IL1RAPL1: variants seen among roughly 807,000 people sequenced by gnomAD.
IL1RAPL1 encodes the protein interleukin-1 receptor accessory protein-like 1.
A neutral mutation model predicts 48.4 loss-of-function variants in IL1RAPL1; 3 were observed. That is an observed-to-expected ratio of 0.06 (90% CI 0.03 to 0.16). IL1RAPL1 has a LOEUF of 0.16. Ranked by LOEUF, IL1RAPL1 falls within the 10% of genes least tolerant of loss-of-function variation. IL1RAPL1 has a pLI of 1.00. For missense variants in IL1RAPL1, 349 were observed against 530.6 expected (o/e 0.66, Z 3.36); for synonymous variants, 185 against 187.7 (o/e 0.99, Z 0.12).
intron 6 of IL1RAPL1, among the ~76,000 whole-genome samples, chrX:29,805,637 A>G (rs1930238927): frequency 8.9e-6 from 1 of 111,748 alleles, no homozygotes; most frequent in Admixed American, 9.6e-5. Context: ...GAGTAGCAAC[A>G]TATTCCTTAA....
chrX:29,418,123 ATAT>A (rs1267084729), intron 5 of IL1RAPL1, among the ~76,000 whole-genome samples: 6 of 29,477 alleles, frequency 2.0e-4, no homozygotes, highest in East Asian at 1.5e-3. Flanking sequence ...ATATATATAT[ATAT>A]TTTTTTTTTT....
At chrX:29,737,451 T>C (rs1928078349) in intron 6 of IL1RAPL1, among the ~76,000 whole-genome samples, 1 of 111,944 alleles carries the variant, frequency 8.9e-6, no homozygotes, top group Non-Finnish European at 1.9e-5. Flanking sequence ...AGTTGCAAAT[T>C]TGTCCAAATC....
At chrX:29,222,372 G>A (rs1930999533) in intron 2 of IL1RAPL1, among the ~76,000 whole-genome samples, 1 of 111,422 alleles carries the variant, frequency 9.0e-6, no homozygotes, top group Non-Finnish European at 1.9e-5. Context: ...ATTCTTGTTA[G>A]GATTAAAAAC....
chrX:28,614,135 G>C (rs1308963273), intron 1 of IL1RAPL1, among the ~76,000 whole-genome samples: 1 of 111,937 alleles, frequency 8.9e-6, no homozygotes, highest in Non-Finnish European at 1.9e-5. Flanking sequence ...GGAAAGAATA[G>C]GCTATATGTC....
At chrX:28,741,829 A>G in intron 1 of IL1RAPL1, among the ~76,000 whole-genome samples, 1 of 112,010 alleles carries the variant, frequency 8.9e-6, no homozygotes, top group Non-Finnish European at 1.9e-5. Context: ...ATAGTTCTTG[A>G]ATTAACAAAC....
chrX:29,305,587 G>A (rs907524361), intron 3 of IL1RAPL1, among the ~76,000 whole-genome samples: 9 of 111,503 alleles, frequency 8.1e-5, no homozygotes, highest in African/African-American at 2.9e-4. Context: ...GAAGAGAGTG[G>A]ATGAATTATT....
chrX:29,233,056 C>T (rs772272289), intron 2 of IL1RAPL1, among the ~76,000 whole-genome samples: 8 of 111,732 alleles, frequency 7.2e-5, no homozygotes, highest in African/African-American at 2.6e-4. Flanking sequence ...GCCTTGGCCT[C>T]CCAAAGTGCT....
chrX:28,753,900 G>A (rs1033478284), intron 1 of IL1RAPL1, among the ~76,000 whole-genome samples: 6 of 107,457 alleles, frequency 5.6e-5, no homozygotes, highest in African/African-American at 2.1e-4. Context: ...GGCTGGCAGG[G>A]AGGGAAGGAA....
chrX:29,541,295 G>A (rs1365766665), intron 5 of IL1RAPL1, among the ~76,000 whole-genome samples: 1 of 111,895 alleles, frequency 8.9e-6, no homozygotes, highest in Non-Finnish European at 1.9e-5. Context: ...TGCTAGTGAG[G>A]CTGTGGAGAA....
intron 2 of IL1RAPL1, among the ~76,000 whole-genome samples, chrX:29,256,303 G>T (rs1048816965): frequency 9.0e-6 from 1 of 110,622 alleles, no homozygotes; most frequent in Non-Finnish European, 1.9e-5. Flanking sequence ...ACAAAGGATT[G>T]CTGGCTGCTT....
intron 1 of IL1RAPL1, among the ~76,000 whole-genome samples, chrX:28,661,006 T>C (rs1479066182): frequency 9.0e-6 from 1 of 111,340 alleles, no homozygotes; most frequent in African/African-American, 3.3e-5. Context: ...AAAAGAGGTG[T>C]TATGATTTAT....
intron 7 of IL1RAPL1, among the ~76,000 whole-genome samples, chrX:29,918,123 CAAAAAAA>C (rs781348669): frequency 1.3e-4 from 1 of 7,818 alleles, no homozygotes; most frequent in African/African-American, 6.5e-4. Flanking sequence ...ACTCTGTCTC[CAAAAAAA>C]AAAAAAAAAA....
At chrX:29,597,399 C>T (rs1437134397) in intron 5 of IL1RAPL1, among the ~76,000 whole-genome samples, 2 of 110,965 alleles carry the variant, frequency 1.8e-5, no homozygotes, top group East Asian at 2.9e-4. Flanking sequence ...GTGATCCACC[C>T]GCCTCGGCCT....
chrX:28,791,030 A>G (rs1175648692), intron 2 of IL1RAPL1, among the ~76,000 whole-genome samples: 2 of 112,180 alleles, frequency 1.8e-5, no homozygotes, highest in African/African-American at 6.5e-5. Flanking sequence ...TAGTTCATCC[A>G]AAATAGAAAT....
chrX:29,458,750 C>G (rs943894299), intron 5 of IL1RAPL1, among the ~76,000 whole-genome samples: 8 of 107,368 alleles, frequency 7.5e-5, no homozygotes. Flanking sequence ...GACAGGGTGT[C>G]GCTGTGTTGC....
At chrX:29,080,990 TTCTTTCTC>T (rs1467202160) in intron 2 of IL1RAPL1, among the ~76,000 whole-genome samples, 37 of 28,158 alleles carry the variant, frequency 1.3e-3, no homozygotes, top group South Asian at 5.3e-3. Context: ...CTTTCTTTCT[TTCTTTCTC>T]TCTCTCTCTC....
Position 28,630,437 on chromosome X carries a change from G to A in IL1RAPL1, c.-25+42390G>A, listed in dbSNP as rs762136131. 2.7e-5 allele frequency among the ~76,000 whole-genome samples: 3 copies of A among 111,507 alleles called. No individual in the cohort carries two copies. The East Asian group carries it at 8.5e-4, about 31-fold the overall frequency. On this transcript the variant is annotated intron_variant, in intron 1 of 10. Coordinates refer to ENST00000378993, the MANE Select transcript of IL1RAPL1 (RefSeq NM_014271.4). ...ATCCTTAGAGCTGGGCTAAACAAAA[G>A]GGTGAAGCAGGTTGTGCACAAATTC...
chrX:29,280,361 C>T (rs1281469002), intron 2 of IL1RAPL1, among the ~76,000 whole-genome samples: 3 of 111,562 alleles, frequency 2.7e-5, no homozygotes, highest in African/African-American at 6.5e-5. Flanking sequence ...TACCTCAATA[C>T]AGCCCTTTTG....
intron 3 of IL1RAPL1, among the ~76,000 whole-genome samples, chrX:29,321,477 A>AT (rs1174016384): frequency 8.9e-6 from 1 of 112,398 alleles, no homozygotes; most frequent in Non-Finnish European, 1.9e-5. Context: ...GCAGATATTC[A>AT]TAAACACAGA....
Sources: allele counts gnomAD v4.1 joint callset (sites outside exome capture counted in the v4.1 genomes callset), GRCh38; gene constraint gnomAD v4.1.1; transcripts MANE v1.5; gene names NCBI Gene and HGNC (gene_info 2026-07-23, HGNC 2026-07-21).